PRKN: variants seen among roughly 807,000 people sequenced by gnomAD.
The protein encoded by PRKN is E3 ubiquitin-protein ligase parkin.
PRKN carries 56 observed loss-of-function variants against 59.5 expected under a neutral mutation model. That is an observed-to-expected ratio of 0.94 (90% CI 0.76 to 1.18). The LOEUF (loss-of-function observed/expected upper bound fraction) is 1.18, where lower values mean the gene tolerates loss of function less well. PRKN is among the 50% of genes most tolerant of loss of function. The pLI, the probability that PRKN is intolerant of heterozygous loss-of-function variation, is 0.00. For missense variants in PRKN, 657 were observed against 596.4 expected (o/e 1.10, Z -1.06); for synonymous variants, 250 against 222.1 (o/e 1.13, Z -1.12).
At chr6:162,501,884 G>A (rs1464161325) in intron 1 of PRKN, among the ~76,000 whole-genome samples, 1 of 150,290 alleles carries the variant, frequency 6.7e-6, no homozygotes, top group African/African-American at 2.4e-5. Flanking sequence ...TAAATGTGCA[G>A]CAAACCTCTT....
At position 161,360,286 on chromosome 6, in the gene PRKN, C is replaced by T. The variant is rs1423014339; in HGVS notation, c.1168-81G>A. ...AGTTTATGTTCCCTGTACGTCGGTA[C>T]AGGAAATTCTTGAAGACAGGAGTGC... On this transcript the variant is annotated intron_variant, in intron 10 of 11. Coordinates refer to ENST00000366898, the MANE Select transcript of PRKN (RefSeq NM_004562.3). The surrounding 1 kb of genome is among the most constrained non-coding windows in gnomAD (Gnocchi z 5.1). 2 of 1,155,080 alleles carry T rather than the reference C, an allele frequency of 1.7e-6. No homozygotes were observed. Among genetic ancestry groups the T allele is most frequent in the East Asian group, 4.7e-5 (2 of 42,776 alleles). The allele number at this position is 1,155,080 out of a possible 1,614,324, so 71.6% of individuals were successfully genotyped here.
chr6:161,453,515 C>T (rs935684314), intron 9 of PRKN, among the ~76,000 whole-genome samples: 6 of 152,120 alleles, frequency 3.9e-5, no homozygotes, highest in East Asian at 3.9e-4. Context: ...ATAATCTTAA[C>T]GGGCCTCATC....
chr6:162,437,750 A>G (rs1265181206), intron 2 of PRKN, among the ~76,000 whole-genome samples: 2 of 152,206 alleles, frequency 1.3e-5, no homozygotes, highest in Admixed American at 6.5e-5. Flanking sequence ...GATATTTTGT[A>G]TATCAACAGT....
chr6:161,594,428 T>C lies in PRKN; in HGVS notation c.872-25012A>G, dbSNP rs886655752. ...TCAAGAAACCCAAAGGCAAAGAAAA[T>C]GATGGCTTTCAAGAAGAGTGGCAGG... On this transcript the variant is annotated intron_variant, in intron 7 of 11. Transcript: ENST00000366898. Among the ~76,000 whole-genome samples the C allele has an allele frequency of 6.6e-5, 10 of 152,176 alleles. No individual in the cohort carries two copies. The South Asian group carries it at 1.0e-3, about 16-fold the overall frequency.
intron 1 of PRKN, among the ~76,000 whole-genome samples, chr6:162,627,534 A>G (rs1330956148): frequency 1.3e-5 from 2 of 152,190 alleles, no homozygotes; most frequent in East Asian, 3.9e-4. Context: ...TAAGGAAGGT[A>G]ACTGGAGTTG....
At chr6:162,339,100 C>T (rs1289575527) in intron 2 of PRKN, among the ~76,000 whole-genome samples, 113 of 148,426 alleles carry the variant, frequency 7.6e-4, no homozygotes, top group African/African-American at 2.7e-3. Context: ...GACCGGCAGC[C>T]GCCCCGTCTG....
At chr6:162,109,645 T>C (rs912043136) in intron 4 of PRKN, among the ~76,000 whole-genome samples, 2 of 152,210 alleles carry the variant, frequency 1.3e-5, no homozygotes, top group Non-Finnish European at 2.9e-5. Context: ...AGTTAGGAGT[T>C]ACAGTGTGCA....
intron 1 of PRKN, among the ~76,000 whole-genome samples, chr6:162,543,559 C>G (rs144204456): frequency 6.6e-6 from 1 of 152,128 alleles, no homozygotes; most frequent in Non-Finnish European, 1.5e-5. Context: ...CCCCAGTCAG[C>G]CAGTCAGCTC....
intron 1 of PRKN, among the ~76,000 whole-genome samples, chr6:162,529,763 C>G (rs73591855): frequency 0.022 from 3,281 of 152,204 alleles, 120 homozygotes; most frequent in African/African-American, 0.073. Flanking sequence ...GCTACATCAA[C>G]CTATGTAAGG....
At chr6:161,978,569 T>C (rs904512008) in intron 5 of PRKN, among the ~76,000 whole-genome samples, 1 of 152,248 alleles carries the variant, frequency 6.6e-6, no homozygotes, top group Non-Finnish European at 1.5e-5. Context: ...ATTAACTGCC[T>C]CTGAATTCTG....
chr6:162,724,087 T>C lies in PRKN; in HGVS notation c.7+3575A>G, dbSNP rs566055103. ...TACCTAAATCCAGTTCTACAGAACA[T>C]TTAGAACATACCACAAATATCCCCA... On this transcript the variant is annotated intron_variant, in intron 1 of 11. Transcript: ENST00000366898. 2.0e-5 allele frequency among the ~76,000 whole-genome samples: 3 copies of C among 152,322 alleles called. No homozygotes were observed. The South Asian group carries it at 6.2e-4, about 32-fold the overall frequency.
intron 1 of PRKN, among the ~76,000 whole-genome samples, chr6:162,497,707 G>A (rs1374352280): frequency 2.6e-5 from 4 of 152,072 alleles, no homozygotes; most frequent in Non-Finnish European, 5.9e-5. Context: ...CATGCCATGC[G>A]AATGACACAG....
intron 2 of PRKN, among the ~76,000 whole-genome samples, chr6:162,300,863 C>T (rs771294760): frequency 1.2e-4 from 18 of 152,074 alleles, no homozygotes; most frequent in Non-Finnish European, 1.9e-4. Context: ...TCAACCTATA[C>T]ATTAACAAAA....
At chr6:161,796,607 A>T (rs923798574) in intron 6 of PRKN, among the ~76,000 whole-genome samples, 1 of 152,224 alleles carries the variant, frequency 6.6e-6, no homozygotes, top group Admixed American at 6.5e-5. Context: ...TTATCACGAT[A>T]CTTTCCTATC....
intron 10 of PRKN, among the ~76,000 whole-genome samples, chr6:161,381,116 T>A (rs927673506): frequency 6.6e-6 from 1 of 152,266 alleles, no homozygotes; most frequent in East Asian, 1.9e-4. Flanking sequence ...GACAGGTCCA[T>A]GAAGCAGGCT....
At chr6:161,381,462 G>A (rs1382255730) in intron 10 of PRKN, among the ~76,000 whole-genome samples, 1 of 152,170 alleles carries the variant, frequency 6.6e-6, no homozygotes, top group Admixed American at 6.5e-5. Flanking sequence ...GATGGTGTAC[G>A]TGAAAGTGCT....
intron 1 of PRKN, among the ~76,000 whole-genome samples, chr6:162,661,325 G>A (rs1331047448): frequency 3.9e-5 from 6 of 152,154 alleles, no homozygotes; most frequent in African/African-American, 1.4e-4. Flanking sequence ...CTCAAGTTGA[G>A]TTAGGAACTT....
At chr6:162,240,270 A>G (rs1386346692) in intron 3 of PRKN, among the ~76,000 whole-genome samples, 2 of 152,196 alleles carry the variant, frequency 1.3e-5, no homozygotes, top group African/African-American at 4.8e-5. Flanking sequence ...CTATCATCCA[A>G]TAAGTGTTTT....
chr6:162,070,926 G>A (rs1352973301), intron 4 of PRKN, among the ~76,000 whole-genome samples: 1 of 152,036 alleles, frequency 6.6e-6, no homozygotes, highest in African/African-American at 2.4e-5. Flanking sequence ...CACAGTAGGT[G>A]CTTTCTAAAG....
Sources: gnomAD v4.1 joint callset for allele counts (sites outside exome capture counted in the v4.1 genomes callset) on GRCh38, gnomAD v4.1.1 for gene constraint, Gnocchi (gnomAD v3.1) non-coding constraint, MANE v1.5 for transcripts, NCBI Gene and HGNC (gene_info 2026-07-23, HGNC 2026-07-21) for gene names.